The following LMF1 variants were observed in gnomAD, a reference collection of about 807,000 sequenced individuals.
LMF1 encodes transmembrane protein 112.
LMF1 carries 68 observed loss-of-function variants against 60.6 expected under a neutral mutation model. The observed-to-expected ratio is 1.12, with a 90% CI of 0.92 to 1.37. The LOEUF (loss-of-function observed/expected upper bound fraction) is 1.37, where lower values mean the gene tolerates loss of function less well. Ranked by LOEUF, LMF1 falls within the 40% of genes most tolerant of loss-of-function variation. LMF1 has a pLI of 0.00. For missense variants in LMF1, 948 were observed against 767.2 expected (o/e 1.24, Z -2.78); for synonymous variants, 418 against 324.7 (o/e 1.29, Z -3.09).
intron 4 of LMF1, chr16:900,052 G>C (rs2070767349): frequency 6.6e-6 from 1 of 152,232 alleles, no homozygotes; most frequent in African/African-American, 2.4e-5. Flanking sequence ...GGCTTTCCTT[G>C]AGTAAAGAAG....
At chr16:918,836 A>G (rs11864735) in intron 3 of LMF1, among the ~76,000 whole-genome samples, 7,905 of 135,784 alleles carry the variant, frequency 0.058, 249 homozygotes, top group Non-Finnish European at 0.076. Flanking sequence ...CGGGGCCGGC[A>G]TCCCGGGGCG....
intron 6 of LMF1, 89 bp downstream of exon 6, chr16:879,481 G>A (rs921233241): frequency 2.7e-6 from 4 of 1,468,556 alleles, no homozygotes; most frequent in Non-Finnish European, 3.7e-6. Context: ...TAATGCCCCA[G>A]GGTCCTCCCA....
intron 4 of LMF1, among the ~76,000 whole-genome samples, chr16:906,569 C>T (rs942333365): frequency 7.2e-5 from 11 of 152,200 alleles, no homozygotes; most frequent in South Asian, 2.1e-4. Flanking sequence ...CCTCAGCTTG[C>T]GGGCAACCTA....
intron 10 of LMF1, 67 bp from the exon 11 acceptor site, chr16:854,773 C>T: frequency 7.2e-7 from 1 of 1,397,320 alleles, no homozygotes; most frequent in South Asian, 1.2e-5. Context: ...GCTCCTCAGC[C>T]TGCTGCTGAG....
At chr16:919,190 G>C (rs1176046210) in intron 3 of LMF1, among the ~76,000 whole-genome samples, 1 of 152,122 alleles carries the variant, frequency 6.6e-6, no homozygotes, top group African/African-American at 2.4e-5. Flanking sequence ...TCGGCAGTCG[G>C]CGTTTCCAGG....
intron 1 of LMF1, chr16:980,087 A>C (rs2073302027): frequency 3.4e-6 from 1 of 290,626 alleles, no homozygotes; most frequent in African/African-American, 2.2e-5. Flanking sequence ...GGAGCCTCCC[A>C]ACTCGCGCAC....
chr16:944,741 C>T (rs2072193639), intron 2 of LMF1, among the ~76,000 whole-genome samples: 1 of 152,188 alleles, frequency 6.6e-6, no homozygotes, highest in South Asian at 2.1e-4. Flanking sequence ...CTGCCCCTGC[C>T]AGGCTTGCCC....
At chr16:955,126 A>T (rs1427820252) in intron 1 of LMF1, among the ~76,000 whole-genome samples, 12 of 88,132 alleles carry the variant, frequency 1.4e-4, no homozygotes, top group African/African-American at 4.4e-4. Context: ...ACATCTAAGT[A>T]AACTAGACAA....
intron 1 of LMF1, among the ~76,000 whole-genome samples, chr16:968,137 G>A (rs568920310): frequency 3.3e-4 from 50 of 152,294 alleles, no homozygotes; most frequent in African/African-American, 7.9e-4. Context: ...ACATGGAAAC[G>A]CCCAGGCCCG....
At chr16:955,052 T>TG (rs2072648115) in intron 1 of LMF1, among the ~76,000 whole-genome samples, 4 of 139,430 alleles carry the variant, frequency 2.9e-5, no homozygotes, top group African/African-American at 8.3e-5. Flanking sequence ...CACATCTAAG[T>TG]AAACTAGACA....
At chr16:960,614 G>A (rs867116219) in intron 1 of LMF1, among the ~76,000 whole-genome samples, 8 of 49,012 alleles carry the variant, frequency 1.6e-4, no homozygotes, top group Non-Finnish European at 2.7e-4. Flanking sequence ...GTGACAACAC[G>A]GGATCACGAC....
intron 3 of LMF1, among the ~76,000 whole-genome samples, chr16:929,519 C>G (rs1334119458): frequency 6.6e-6 from 1 of 152,362 alleles, no homozygotes; most frequent in East Asian, 1.9e-4. Context: ...TGCGGGTCCT[C>G]TCGGGTTCCC....
At chr16:920,674 C>T (rs909939483) in intron 3 of LMF1, among the ~76,000 whole-genome samples, 11 of 152,172 alleles carry the variant, frequency 7.2e-5, no homozygotes, top group African/African-American at 2.2e-4. Context: ...GAACATGGGG[C>T]AACCCCCCCA....
chr16:863,676 G>T (rs375703079), intron 10 of LMF1, among the ~76,000 whole-genome samples: 1 of 151,972 alleles, frequency 6.6e-6, no homozygotes, highest in Non-Finnish European at 1.5e-5. Context: ...TTTTTTAAGC[G>T]ATGGGGTCTT....
chr16:953,913 C>A (rs112418835), intron 2 of LMF1, among the ~76,000 whole-genome samples: 8 of 62,652 alleles, frequency 1.3e-4, no homozygotes, highest in South Asian at 6.3e-4. Flanking sequence ...ACACAGACAC[C>A]CACCCCAAAC....
chr16:860,672 A>C (rs2069436301), intron 10 of LMF1, among the ~76,000 whole-genome samples: 1 of 152,088 alleles, frequency 6.6e-6, no homozygotes, highest in African/African-American at 2.4e-5. Context: ...CTTTACGTTG[A>C]AGTCCAGGAT....
chr16:963,996 G>A, intron 1 of LMF1: 2 of 455,306 alleles, frequency 4.4e-6, no homozygotes, highest in South Asian at 3.1e-5. Flanking sequence ...CACACGGGAG[G>A]CAGCAGAGCC....
At chr16:932,317 C>T (rs965215804) in intron 3 of LMF1, among the ~76,000 whole-genome samples, 15 of 152,222 alleles carry the variant, frequency 9.9e-5, no homozygotes, top group Non-Finnish European at 2.2e-4. Flanking sequence ...ACCGTGGCCT[C>T]GCAGGCCCAT....
intron 1 of LMF1, among the ~76,000 whole-genome samples, chr16:959,079 C>G (rs1037927637): frequency 6.6e-6 from 1 of 152,122 alleles, no homozygotes; most frequent in Non-Finnish European, 1.5e-5. Flanking sequence ...ACCTCTCAGG[C>G]CTTCAACCTG....
Sources: allele counts gnomAD v4.1 joint callset (sites outside exome capture counted in the v4.1 genomes callset), GRCh38; gene constraint gnomAD v4.1.1; transcripts MANE v1.5; gene names NCBI Gene and HGNC (gene_info 2026-07-23, HGNC 2026-07-21).